Variants in USP34 observed in about 807,000 individuals in gnomAD.
The protein encoded by USP34 is ubiquitin specific peptidase 34.
Under a neutral mutation model 460.3 loss-of-function variants are expected in USP34, and 70 were observed. The observed-to-expected ratio is 0.15, with a 90% CI of 0.13 to 0.19. The LOEUF (loss-of-function observed/expected upper bound fraction) is 0.19, where lower values mean the gene tolerates loss of function less well. USP34 is among the 10% of genes least tolerant of loss of function. The probability of loss-of-function intolerance (pLI) is 1.00; values close to 1 mark genes in which losing one functional copy is unlikely to be tolerated. For missense variants in USP34, 3,985 were observed against 4,236.2 expected, an observed-to-expected ratio of 0.94 and a Z score of 1.65; for synonymous variants, 1,647 against 1,405.3, an observed-to-expected ratio of 1.17 and a Z score of -3.85.
rs904762040 is a variant in USP34 at position 61,470,784 on chromosome 2, C to T, written c.-92G>A. 2 of 1,060,064 alleles carry T rather than the reference C, an allele frequency of 1.9e-6. No individual in the cohort carries two copies. Among genetic ancestry groups the T allele is most frequent in the Admixed American group, 2.3e-5 (1 of 42,718 alleles). 65.7% of individuals were successfully genotyped at this position (1,060,064 alleles called of 1,614,324 possible). ...GAGGGGAGAGAGGCGGAGGAGGGGG[C>T]CGGCCGGCCGGCGGGGCGGGGAGGC... On this transcript the variant is annotated 5_prime_UTR_variant, in exon 1 of 80. Transcript: ENST00000398571.
At chr2:61,355,840 G>C (rs1263401782) in intron 10 of USP34, among the ~76,000 whole-genome samples, 1 of 152,064 alleles carries the variant, frequency 6.6e-6, no homozygotes, top group Admixed American at 6.6e-5. Context: ...TTTAAAACTT[G>C]ATCCAATTGT....
chr2:61,378,311 C>T (rs1013622401), intron 8 of USP34, 52 bp downstream of exon 8: 3 of 1,304,916 alleles, frequency 2.3e-6, no homozygotes, highest in Non-Finnish European at 3.2e-6. Flanking sequence ...ACCATATAAA[C>T]AACTGTACAT....
intron 8 of USP34, among the ~76,000 whole-genome samples, chr2:61,373,721 G>C (rs1449080524): frequency 6.6e-6 from 1 of 152,144 alleles, no homozygotes. Context: ...ATTCTACAGA[G>C]TCACTGCAAA....
chr2:61,333,800 T>G (rs1415139858), intron 19 of USP34, 82 bp downstream of exon 19: 1 of 960,422 alleles, frequency 1.0e-6, no homozygotes, highest in Non-Finnish European at 1.5e-6. Flanking sequence ...GAGTAAAAGC[T>G]TGTAGGTTAG....
chr2:61,394,755 A>T (rs1337640302), intron 5 of USP34, 98 bp downstream of exon 5: 1 of 973,932 alleles, frequency 1.0e-6, no homozygotes, highest in African/African-American at 1.7e-5. Context: ...TTACACATGC[A>T]AATCATTCAA....
intron 41 of USP34, among the ~76,000 whole-genome samples, chr2:61,271,630 A>G (rs1483725978): frequency 2.6e-5 from 4 of 152,138 alleles, no homozygotes; most frequent in Admixed American, 2.0e-4. Context: ...AGGAGGAGAA[A>G]GAAAGGAAGA....
At chr2:61,383,175 C>T (rs1693026057) in intron 6 of USP34, 94 bp downstream of exon 6, 1 of 841,918 alleles carries the variant, frequency 1.2e-6, no homozygotes, top group South Asian at 2.4e-5. Context: ...GAGGATATGA[C>T]TATAGGGGAC....
At chr2:61,257,822 C>G (rs1321740563) in intron 44 of USP34, among the ~76,000 whole-genome samples, 1 of 152,112 alleles carries the variant, frequency 6.6e-6, no homozygotes, top group Non-Finnish European at 1.5e-5. Flanking sequence ...TTGCAGTGAG[C>G]CGAGATCGTG....
At position 61,348,844 on chromosome 2, in the gene USP34, G is replaced by A. The variant is rs1396556021; in HGVS notation, c.1586C>T (p.Thr529Ile). 1.2e-5 allele frequency: 19 copies of A among 1,613,578 alleles called. No homozygotes were observed. Among genetic ancestry groups the A allele is most frequent in the Non-Finnish European group, 1.4e-5 (16 of 1,179,830 alleles). ...ASPQSSDNSD[T>I]HQSGGSDIEM... Reference sequence around the variant, plus strand: ...AATGTCACTACCTCCACTTTGATGTGTATCGCTATTATCACTGCTTTGAGG... The same window carrying A: ...AATGTCACTACCTCCACTTTGATGTATATCGCTATTATCACTGCTTTGAGG... Residue 529 changes from threonine (T) to isoleucine (I), a missense_variant, in exon 14 of 80, where the codon ACA becomes ATA. Thr to Ile is a moderately conservative substitution (Grantham distance 89). Coordinates refer to ENST00000398571, the MANE Select transcript of USP34 (RefSeq NM_014709.4).
chr2:61,223,573 CTTTTTTT>C (rs569962717), intron 62 of USP34: 5 of 230,540 alleles, frequency 2.2e-5, no homozygotes, highest in Non-Finnish European at 4.1e-5. Context: ...ATTTTACTTA[CTTTTTTT>C]TTTTTTTGAC....
At chr2:61,366,193 G>A (rs980287260) in intron 10 of USP34, among the ~76,000 whole-genome samples, 35 of 152,290 alleles carry the variant, frequency 2.3e-4, no homozygotes, top group African/African-American at 8.2e-4. Context: ...CAAAGTGCTG[G>A]GATTGTAGGC....
intron 68 of USP34, among the ~76,000 whole-genome samples, chr2:61,213,527 C>T (rs1312765570): frequency 1.3e-5 from 2 of 152,128 alleles, no homozygotes; most frequent in African/African-American, 2.4e-5. Flanking sequence ...ATAAAACCTA[C>T]AAGTAAGTGT....
At position 61,249,304 on chromosome 2, in the gene USP34, C is replaced by T. The variant is rs566097671; in HGVS notation, c.6222-621G>A. 7.9e-5 allele frequency among the ~76,000 whole-genome samples: 12 copies of T among 152,248 alleles called. No homozygotes were observed. In the South Asian group the frequency reaches 1.2e-3, roughly 16 times the overall value. ...CTTGAATACAAACAGTACAATACTG[C>T]GAAGGTAACCAAAAGGGCCACTAAG... On this transcript the variant is annotated intron_variant, in intron 48 of 79. Coordinates refer to ENST00000398571, the MANE Select transcript of USP34 (RefSeq NM_014709.4).
Position 61,405,368 on chromosome 2 carries a change from T to C in USP34, c.552+340A>G, listed in dbSNP as rs897354682. On this transcript the variant is annotated intron_variant, in intron 3 of 79. Transcript: ENST00000398571. ...AGCAAATTCTGATCTGTAGACTGTT[T>C]CTAAGAATGAAATTTAAAATTCCAT... Among the ~76,000 whole-genome samples, 51 of 152,134 alleles carry C rather than the reference T, an allele frequency of 3.4e-4. 1 individual carries two copies. The highest frequency in any genetic ancestry group is 1.5e-4 in the Non-Finnish European group (10 of 68,032).
intron 33 of USP34, among the ~76,000 whole-genome samples, chr2:61,290,581 A>G (rs1689820561): frequency 6.6e-6 from 1 of 152,166 alleles, no homozygotes; most frequent in Non-Finnish European, 1.5e-5. Flanking sequence ...CACTGATCCA[A>G]TTACATGAAA....
At chr2:61,198,553 TAG>T (rs887437386) in intron 75 of USP34, among the ~76,000 whole-genome samples, 16 of 149,498 alleles carry the variant, frequency 1.1e-4, no homozygotes, top group Admixed American at 4.0e-4. Flanking sequence ...CCCTATCTGA[TAG>T]ACTTTTTTTT....
chr2:61,249,939 T>A (rs1356932970), intron 48 of USP34: 2 of 167,092 alleles, frequency 1.2e-5, no homozygotes, highest in African/African-American at 2.4e-5. Flanking sequence ...CAGCCAGCCA[T>A]AGCATTGGAG....
intron 27 of USP34, among the ~76,000 whole-genome samples, chr2:61,308,695 G>C (rs577847464): frequency 6.6e-6 from 1 of 152,170 alleles, no homozygotes; most frequent in East Asian, 1.9e-4. Context: ...CCTATACTCA[G>C]GCCCAGAACA....
intron 29 of USP34, among the ~76,000 whole-genome samples, chr2:61,297,970 G>C (rs1690086801): frequency 6.6e-6 from 1 of 152,132 alleles, no homozygotes; most frequent in Admixed American, 6.5e-5. Flanking sequence ...ATGGCACTCA[G>C]TTCTTCAATA....
Sources: gnomAD v4.1 joint callset for allele counts (sites outside exome capture counted in the v4.1 genomes callset) on GRCh38, gnomAD v4.1.1 for gene constraint, MANE v1.5 for transcripts, NCBI Gene and HGNC (gene_info 2026-07-23, HGNC 2026-07-21) for gene names.